NECAB1: variants seen among roughly 807,000 people sequenced by gnomAD.
NECAB1 encodes the protein N-terminal EF-hand calcium binding protein 1, also known as N-terminal EF-hand calcium-binding protein 1.
NECAB1 carries 29 observed loss-of-function variants against 57.5 expected under a neutral mutation model. That is an observed-to-expected ratio of 0.50 (90% CI 0.38 to 0.69). NECAB1 has a LOEUF of 0.69. Ranked by LOEUF, NECAB1 falls within the 30% of genes least tolerant of loss-of-function variation. The pLI is 0.00. For missense variants in NECAB1, 372 were observed against 413.8 expected (o/e 0.90, Z 0.88); for synonymous variants, 142 against 147.7 (o/e 0.96, Z 0.28).
intron 3 of NECAB1, among the ~76,000 whole-genome samples, chr8:90,854,169 C>A (rs140181323): frequency 4.6e-3 from 694 of 152,202 alleles, no homozygotes; most frequent in African/African-American, 7.1e-3. Context: ...TTCAAAAAAT[C>A]TTGAACATTA....
chr8:90,955,453 T>G, intron 12 of NECAB1, 34 bp from the exon 13 acceptor site: 1 of 1,503,414 alleles, frequency 6.7e-7, no homozygotes, highest in East Asian at 2.5e-5. Flanking sequence ...ATAAGTTATT[T>G]TCATTATTTT....
intron 3 of NECAB1, chr8:90,859,067 A>G (rs939611052): frequency 1.3e-5 from 2 of 152,182 alleles, no homozygotes; most frequent in Non-Finnish European, 2.9e-5. Context: ...ACCTTGATGG[A>G]TACAGATGTC....
intron 3 of NECAB1, among the ~76,000 whole-genome samples, chr8:90,826,087 A>G (rs1254778237): frequency 6.6e-6 from 1 of 151,874 alleles, no homozygotes; most frequent in Admixed American, 6.6e-5. Context: ...AGTCATTATG[A>G]GAGATTACAA....
At chr8:90,867,241 T>C (rs983294699) in intron 3 of NECAB1, among the ~76,000 whole-genome samples, 16 of 152,366 alleles carry the variant, frequency 1.1e-4, no homozygotes, top group African/African-American at 3.8e-4. Flanking sequence ...TGTTGTATGA[T>C]ATATTCCAAG....
chr8:90,952,554 G>A (rs536061654), intron 12 of NECAB1, among the ~76,000 whole-genome samples: 6 of 152,086 alleles, frequency 3.9e-5, no homozygotes, highest in East Asian at 1.9e-4. Flanking sequence ...TGAGGTGGGC[G>A]GATCACAAGG....
chr8:90,819,235 T>C (rs1336854172), intron 2 of NECAB1, among the ~76,000 whole-genome samples: 1 of 152,042 alleles, frequency 6.6e-6, no homozygotes, highest in African/African-American at 2.4e-5. Context: ...TAGAGCCATA[T>C]TAATCATAGT....
chr8:90,833,512 A>C (rs551837102), intron 3 of NECAB1, among the ~76,000 whole-genome samples: 3 of 152,094 alleles, frequency 2.0e-5, no homozygotes, highest in African/African-American at 7.2e-5. Context: ...TCTAGCATAC[A>C]TGTGTTTAAA....
At chr8:90,866,333 T>C (rs1808512826) in intron 3 of NECAB1, among the ~76,000 whole-genome samples, 1 of 152,244 alleles carries the variant, frequency 6.6e-6, no homozygotes, top group African/African-American at 2.4e-5. Context: ...TAGCTCAGCA[T>C]ATTGCTTATT....
At chr8:90,835,568 A>G (rs1812358327) in intron 3 of NECAB1, among the ~76,000 whole-genome samples, 1 of 152,146 alleles carries the variant, frequency 6.6e-6, no homozygotes, top group Admixed American at 6.5e-5. Context: ...AATTATTATT[A>G]TTAAGATGTA....
At chr8:90,866,219 T>C (rs557224271) in intron 3 of NECAB1, among the ~76,000 whole-genome samples, 3 of 152,172 alleles carry the variant, frequency 2.0e-5, no homozygotes, top group Non-Finnish European at 4.4e-5. Context: ...AATTGAGAGA[T>C]TATAATATTA....
At chr8:90,866,817 A>T (rs1808525172) in intron 3 of NECAB1, among the ~76,000 whole-genome samples, 1 of 152,218 alleles carries the variant, frequency 6.6e-6, no homozygotes. Context: ...AATGTAAATT[A>T]GTTCAACCAT....
At chr8:90,853,442 C>T (rs1366891143) in intron 3 of NECAB1, among the ~76,000 whole-genome samples, 1 of 151,612 alleles carries the variant, frequency 6.6e-6, no homozygotes, top group Non-Finnish European at 1.5e-5. Context: ...TGTTTTCCCA[C>T]TCATCCTAAA....
intron 3 of NECAB1, among the ~76,000 whole-genome samples, chr8:90,831,858 G>C (rs910560225): frequency 1.3e-5 from 2 of 152,066 alleles, no homozygotes; most frequent in African/African-American, 4.8e-5. Context: ...CTCACATACT[G>C]TGCTACACTT....
At chr8:90,838,776 ACCTG>A (rs1157246952) in intron 3 of NECAB1, among the ~76,000 whole-genome samples, 1 of 152,196 alleles carries the variant, frequency 6.6e-6, no homozygotes, top group Non-Finnish European at 1.5e-5. Context: ...CTATTCAAAT[ACCTG>A]CTATAATCTA....
At chr8:90,951,771 A>AT (rs1297763786) in intron 12 of NECAB1, among the ~76,000 whole-genome samples, 7 of 151,748 alleles carry the variant, frequency 4.6e-5, no homozygotes, top group African/African-American at 1.7e-4. Context: ...AGCAGAAAAA[A>AT]AAAACCCAGC....
intron 12 of NECAB1, among the ~76,000 whole-genome samples, 155 bp downstream of exon 12, chr8:90,951,359 A>C (rs1810922229): frequency 6.6e-6 from 1 of 152,150 alleles, no homozygotes; most frequent in Non-Finnish European, 1.5e-5. Flanking sequence ...GGGGGGAAGA[A>C]ATAAAAGATC....
chr8:90,929,075 T>C (rs1810345830), intron 8 of NECAB1, among the ~76,000 whole-genome samples: 1 of 152,218 alleles, frequency 6.6e-6, no homozygotes, highest in Non-Finnish European at 1.5e-5. Context: ...AAAACTAAGC[T>C]ATTCTCCTAA....
chr8:90,832,707 T>C (rs2129724888), intron 3 of NECAB1, among the ~76,000 whole-genome samples: 1 of 152,254 alleles, frequency 6.6e-6, no homozygotes, highest in East Asian at 1.9e-4. Flanking sequence ...AAAATAAGAA[T>C]GTATTGTCAT....
At chr8:90,937,737 C>CA (rs1263614882) in intron 9 of NECAB1, among the ~76,000 whole-genome samples, 1 of 152,184 alleles carries the variant, frequency 6.6e-6, no homozygotes, top group African/African-American at 2.4e-5. Context: ...TTCAAAAACT[C>CA]AGACTTTTCT....
Sources: gnomAD v4.1 joint callset for allele counts (sites outside exome capture counted in the v4.1 genomes callset) on GRCh38, gnomAD v4.1.1 for gene constraint, MANE v1.5 for transcripts, NCBI Gene and HGNC (gene_info 2026-07-23, HGNC 2026-07-21) for gene names.